PARP8: variants seen among roughly 807,000 people sequenced by gnomAD.
The protein encoded by PARP8 is poly(ADP-ribose) polymerase family member 8, also known as protein mono-ADP-ribosyltransferase PARP8.
Under a neutral mutation model 124.1 loss-of-function variants are expected in PARP8, and 51 were observed. The ratio of observed to expected loss-of-function variants is 0.41; its 90% CI spans 0.33 to 0.52. The LOEUF (loss-of-function observed/expected upper bound fraction) is 0.52, where lower values mean the gene tolerates loss of function less well. PARP8 is among the 20% of genes least tolerant of loss of function. The pLI is 0.21. For synonymous variants in PARP8, 391 were observed against 361.5 expected (o/e 1.08, Z -0.93); for missense variants, 860 against 1,018.9 (o/e 0.84, Z 2.12).
chr5:50,800,142 A>G (rs1743039534), intron 14 of PARP8, among the ~76,000 whole-genome samples: 1 of 152,176 alleles, frequency 6.6e-6, no homozygotes, highest in Non-Finnish European at 1.5e-5. Context: ...TCAGCATTCA[A>G]GTCTTACACT....
chr5:50,841,417 G>C (rs1748161948), intron 25 of PARP8, among the ~76,000 whole-genome samples: 1 of 151,760 alleles, frequency 6.6e-6, no homozygotes, highest in African/African-American at 2.4e-5. Context: ...TTTATGAACT[G>C]CCAGAATAAA....
intron 7 of PARP8, among the ~76,000 whole-genome samples, chr5:50,768,631 A>G (rs1267955400): frequency 6.6e-6 from 1 of 152,208 alleles, no homozygotes; most frequent in Non-Finnish European, 1.5e-5. Flanking sequence ...GTTATTATAT[A>G]CCGAATACTG....
intron 14 of PARP8, among the ~76,000 whole-genome samples, chr5:50,805,390 G>C (rs1467153141): frequency 6.6e-6 from 1 of 151,922 alleles, no homozygotes; most frequent in African/African-American, 2.4e-5. Flanking sequence ...CAACTCTTGT[G>C]GTTTAGGTAC....
chr5:50,700,872 G>A (rs1411250902), intron 2 of PARP8, among the ~76,000 whole-genome samples: 2 of 151,844 alleles, frequency 1.3e-5, no homozygotes, highest in African/African-American at 2.4e-5. Flanking sequence ...CATTATGCTC[G>A]GTAATCCTCA....
At position 50,690,021 on chromosome 5, in the gene PARP8, A is replaced by G. The variant is rs10065432; in HGVS notation, c.146+21896A>G. Reference sequence around the variant, plus strand: ...TGTTCTCTCATTCCCTTGCTCTTCTACTTCTCTGTGAACCCAAGGGGACAA... The same window carrying G: ...TGTTCTCTCATTCCCTTGCTCTTCTGCTTCTCTGTGAACCCAAGGGGACAA... On this transcript the variant is annotated intron_variant, in intron 2 of 25. Transcript: ENST00000281631. Among the ~76,000 whole-genome samples the G allele has an allele frequency of 7.5e-3, 1,148 of 152,194 alleles. 7 individuals are homozygous for G. The highest frequency in any genetic ancestry group is 0.038 in the East Asian group (197 of 5,156).
intron 8 of PARP8, 72 bp from the exon 9 acceptor site, chr5:50,778,488 A>G (rs1740287866): frequency 3.0e-6 from 4 of 1,333,996 alleles, no homozygotes; most frequent in Non-Finnish European, 1.0e-6. Flanking sequence ...AAGTTTTAAA[A>G]GTTTGTGTGT....
chr5:50,820,117 T>G (rs1264615023), intron 15 of PARP8, among the ~76,000 whole-genome samples: 2 of 152,202 alleles, frequency 1.3e-5, no homozygotes, highest in African/African-American at 4.8e-5. Context: ...CTGATTATTT[T>G]AGGTCACTGG....
chr5:50,766,812 G>A lies in PARP8; in HGVS notation c.518+3570G>A, dbSNP rs148805844. Among the ~76,000 whole-genome samples the A allele has an allele frequency of 2.5e-3, 383 of 152,026 alleles. 1 individual carries two copies. Among genetic ancestry groups the A allele is most frequent in the African/African-American group, 8.6e-3 (358 of 41,448 alleles). On this transcript the variant is annotated intron_variant, in intron 7 of 25. Transcript: ENST00000281631. ...GAGAATTTGGGGTGGCTTAAGGAAC[G>A]TATATCACGTTACTCATACCCACCA...
chr5:50,758,728 C>T (rs1379576526), intron 3 of PARP8, among the ~76,000 whole-genome samples: 1 of 152,104 alleles, frequency 6.6e-6, no homozygotes, highest in Non-Finnish European at 1.5e-5. Flanking sequence ...TCAAAAAGCT[C>T]TTCTGAGAGA....
chr5:50,742,712 A>G (rs1371324037), intron 2 of PARP8, among the ~76,000 whole-genome samples: 3 of 152,156 alleles, frequency 2.0e-5, no homozygotes, highest in African/African-American at 7.2e-5. Flanking sequence ...AATAGATAAT[A>G]TTGAGAACCA....
chr5:50,726,801 A>G (rs1756474080), intron 2 of PARP8, among the ~76,000 whole-genome samples: 1 of 152,100 alleles, frequency 6.6e-6, no homozygotes, highest in South Asian at 2.1e-4. Context: ...TCCTCATGCT[A>G]CAGGCCATTC....
At chr5:50,840,777 C>T (rs978457962) in intron 25 of PARP8, among the ~76,000 whole-genome samples, 4 of 151,890 alleles carry the variant, frequency 2.6e-5, no homozygotes, top group African/African-American at 9.7e-5. Context: ...TAACAGAGCA[C>T]TTACTGTCCT....
intron 17 of PARP8, among the ~76,000 whole-genome samples, chr5:50,824,145 G>C (rs764072554): frequency 1.3e-5 from 2 of 152,192 alleles, no homozygotes; most frequent in Admixed American, 6.5e-5. Flanking sequence ...AGAAGGCTTC[G>C]TCTTAGGTAA....
intron 25 of PARP8, among the ~76,000 whole-genome samples, chr5:50,836,302 G>A (rs748991960): frequency 2.0e-4 from 31 of 152,266 alleles, no homozygotes; most frequent in Middle Eastern, 3.4e-3. Context: ...TGTATAACAC[G>A]TCTAAGCTTC....
At chr5:50,744,462 G>T (rs922578356) in intron 2 of PARP8, among the ~76,000 whole-genome samples, 3 of 152,174 alleles carry the variant, frequency 2.0e-5, no homozygotes, top group Non-Finnish European at 4.4e-5. Flanking sequence ...GAAGTTGTTG[G>T]CTATTGGGAG....
intron 2 of PARP8, among the ~76,000 whole-genome samples, chr5:50,709,030 T>C (rs1237354424): frequency 1.3e-5 from 2 of 151,976 alleles, no homozygotes. Context: ...CAAGCAATCT[T>C]CCCACCTCAG....
chr5:50,788,460 C>T, intron 9 of PARP8, 63 bp from the exon 10 acceptor site: 1 of 1,470,774 alleles, frequency 6.8e-7, no homozygotes, highest in Non-Finnish European at 9.5e-7. Context: ...CAACCTTTTT[C>T]TGGCTGATGG....
chr5:50,827,440 G>T (rs978875801), intron 19 of PARP8, among the ~76,000 whole-genome samples: 1 of 151,994 alleles, frequency 6.6e-6, no homozygotes, highest in African/African-American at 2.4e-5. Context: ...CCATGACCAA[G>T]GAGGAGACTA....
At chr5:50,793,301 T>C (rs1742168714) in intron 10 of PARP8, among the ~76,000 whole-genome samples, 1 of 152,168 alleles carries the variant, frequency 6.6e-6, no homozygotes, top group Non-Finnish European at 1.5e-5. Flanking sequence ...AAGAAACACA[T>C]TTAATTTATT....
Sources: gnomAD v4.1 joint callset for allele counts (sites outside exome capture counted in the v4.1 genomes callset) on GRCh38, gnomAD v4.1.1 for gene constraint, MANE v1.5 for transcripts, NCBI Gene and HGNC (gene_info 2026-07-23, HGNC 2026-07-21) for gene names.